NELL1: variants seen among roughly 807,000 people sequenced by gnomAD.
NELL1 encodes protein kinase C-binding protein NELL1.
A neutral mutation model predicts 107.4 loss-of-function variants in NELL1; 76 were observed. That is an observed-to-expected ratio of 0.71 (90% confidence interval 0.59 to 0.86). The LOEUF is 0.86. NELL1 is among the 40% of genes least tolerant of loss of function. NELL1 has a pLI of 0.00. For synonymous variants in NELL1, 353 were observed against 341.2 expected (o/e 1.03, Z -0.38); for missense variants, 1,024 against 1,005.5 (o/e 1.02, Z -0.25).
At chr11:20,992,378 T>C (rs899136523) in intron 12 of NELL1, among the ~76,000 whole-genome samples, 5 of 152,188 alleles carry the variant, frequency 3.3e-5, no homozygotes, top group Non-Finnish European at 7.3e-5. Flanking sequence ...TTGGGTATTT[T>C]GTTGTTGTTG....
chr11:21,281,078 T>C (rs566071793), intron 14 of NELL1, among the ~76,000 whole-genome samples: 1 of 150,762 alleles, frequency 6.6e-6, no homozygotes, highest in Non-Finnish European at 1.5e-5. Flanking sequence ...GAGGGAAGAG[T>C]GGGGAGGACT....
In NELL1 at chr11:21,483,347, A is replaced by G. The variant is rs147754774; in HGVS notation, c.1646-51027A>G. ...AATGTGTTCTGTACACATACAATATACTCCCCAAAAAGGATACATTTTCTT... is the reference window on the plus strand; with the variant it reads ...AATGTGTTCTGTACACATACAATATGCTCCCCAAAAAGGATACATTTTCTT... On this transcript the variant is annotated intron_variant, in intron 15 of 19. Coordinates refer to ENST00000357134, the MANE Select transcript of NELL1 (RefSeq NM_006157.5). Among the ~76,000 whole-genome samples, 528 of 152,022 alleles carry G rather than the reference A, an allele frequency of 3.5e-3. 4 individuals are homozygous for G. The highest frequency in any genetic ancestry group is 0.012 in the African/African-American group (491 of 41,476).
At chr11:20,703,787 G>C (rs1022307973) in intron 2 of NELL1, among the ~76,000 whole-genome samples, 3 of 152,182 alleles carry the variant, frequency 2.0e-5, no homozygotes, top group Non-Finnish European at 2.9e-5. Flanking sequence ...GGAGCAGGTT[G>C]TTCAGTTTCC....
At chr11:21,034,926 A>T (rs752757812) in intron 12 of NELL1, among the ~76,000 whole-genome samples, 7 of 152,084 alleles carry the variant, frequency 4.6e-5, no homozygotes, top group African/African-American at 9.7e-5. Context: ...ACACAAAAAA[A>T]TTTAAAAGAT....
chr11:21,186,398 A>G (rs533590001), intron 13 of NELL1, among the ~76,000 whole-genome samples: 3 of 152,044 alleles, frequency 2.0e-5, no homozygotes, highest in South Asian at 2.1e-4. Flanking sequence ...TATTCTCTCT[A>G]TCTACTTGTT....
chr11:21,163,987 A>G (rs1209826622), intron 13 of NELL1, among the ~76,000 whole-genome samples: 1 of 152,166 alleles, frequency 6.6e-6, no homozygotes, highest in African/African-American at 2.4e-5. Flanking sequence ...AAGAAAAGGA[A>G]GATACACCAG....
intron 14 of NELL1, among the ~76,000 whole-genome samples, chr11:21,348,372 A>C (rs765562048): frequency 8.5e-5 from 13 of 152,272 alleles, no homozygotes; most frequent in Admixed American, 5.2e-4. Flanking sequence ...CCCTGTGCTG[A>C]GCTCTAGGGG....
chr11:21,361,620 A>G (rs912610778), intron 14 of NELL1, among the ~76,000 whole-genome samples: 2 of 152,124 alleles, frequency 1.3e-5, no homozygotes, highest in Non-Finnish European at 2.9e-5. Flanking sequence ...AGGAACACCA[A>G]TTATCCTTAT....
At chr11:21,075,507 C>T (rs867824709) in intron 12 of NELL1, among the ~76,000 whole-genome samples, 28 of 152,152 alleles carry the variant, frequency 1.8e-4, no homozygotes, top group African/African-American at 6.0e-4. Context: ...ACTCTGTCAC[C>T]CAGGCTGGAG....
intron 14 of NELL1, among the ~76,000 whole-genome samples, chr11:21,305,834 C>G (rs1849593691): frequency 6.6e-6 from 1 of 152,034 alleles, no homozygotes; most frequent in South Asian, 2.1e-4. Context: ...AAGCTTTATA[C>G]ACTTTTGGAC....
At chr11:21,335,896 C>T (rs1850379605) in intron 14 of NELL1, among the ~76,000 whole-genome samples, 1 of 152,016 alleles carries the variant, frequency 6.6e-6, no homozygotes, top group Non-Finnish European at 1.5e-5. Context: ...GACACCAAAG[C>T]CTGCCATTCT....
At chr11:21,460,881 G>A (rs1239723811) in intron 15 of NELL1, among the ~76,000 whole-genome samples, 1 of 151,972 alleles carries the variant, frequency 6.6e-6, no homozygotes, top group Non-Finnish European at 1.5e-5. Flanking sequence ...AAATCACTGG[G>A]GAAAGGAAAC....
chr11:20,956,206 G>A (rs1464313037), intron 11 of NELL1, among the ~76,000 whole-genome samples: 1 of 152,014 alleles, frequency 6.6e-6, no homozygotes, highest in African/African-American at 2.4e-5. Context: ...GTGACAGAGT[G>A]AGACTTCGTC....
At chr11:21,079,017 C>T (rs1854204571) in intron 12 of NELL1, among the ~76,000 whole-genome samples, 2 of 151,028 alleles carry the variant, frequency 1.3e-5, no homozygotes, top group African/African-American at 4.9e-5. Flanking sequence ...AAATCAACAA[C>T]ATTAAGTTAT....
chr11:20,821,230 G>T (rs149681774), intron 3 of NELL1, among the ~76,000 whole-genome samples: 4 of 152,098 alleles, frequency 2.6e-5, no homozygotes, highest in African/African-American at 9.7e-5. Flanking sequence ...AAAGACAAAG[G>T]CACGATGCAT....
At chr11:20,991,915 A>C (rs1255656518) in intron 12 of NELL1, among the ~76,000 whole-genome samples, 1 of 150,678 alleles carries the variant, frequency 6.6e-6, no homozygotes, top group East Asian at 2.0e-4. Context: ...TCACATTCCC[A>C]AGGTGACAGG....
chr11:20,846,983 A>T (rs889893988), intron 3 of NELL1, among the ~76,000 whole-genome samples: 1 of 152,154 alleles, frequency 6.6e-6, no homozygotes, highest in Non-Finnish European at 1.5e-5. Flanking sequence ...AAAAGAAAAA[A>T]CTTAATTGCA....
chr11:20,802,574 A>G lies in NELL1; in HGVS notation c.335+18744A>G, dbSNP rs1269300189. Among the ~76,000 whole-genome samples the G allele has an allele frequency of 5.3e-5, 8 of 152,102 alleles. No homozygotes were observed. In the East Asian group the frequency reaches 1.5e-3, roughly 29 times the overall value. Reference sequence around the variant, plus strand: ...ATCGTTTGTTTCTTTCTCTTGTCTAATTGCTGTAGCTAGGACTTACAGTAC... The same window carrying G: ...ATCGTTTGTTTCTTTCTCTTGTCTAGTTGCTGTAGCTAGGACTTACAGTAC... On this transcript the variant is annotated intron_variant, in intron 3 of 19. Coordinates refer to ENST00000357134, the MANE Select transcript of NELL1 (RefSeq NM_006157.5).
chr11:21,463,261 A>G (rs148501964), intron 15 of NELL1, among the ~76,000 whole-genome samples: 51 of 152,114 alleles, frequency 3.4e-4, no homozygotes, highest in African/African-American at 1.2e-3. Context: ...GCTGTCTTAG[A>G]TCTAGTTTAA....
Sources: gnomAD v4.1 joint callset for allele counts (sites outside exome capture counted in the v4.1 genomes callset) on GRCh38, gnomAD v4.1.1 for gene constraint, MANE v1.5 for transcripts, NCBI Gene and HGNC (gene_info 2026-07-23, HGNC 2026-07-21) for gene names.